CACNB2: variants seen among roughly 807,000 people sequenced by gnomAD.
CACNB2 encodes calcium voltage-gated channel auxiliary subunit beta 2.
Under a neutral mutation model 73.3 loss-of-function variants are expected in CACNB2, and 42 were observed. The observed-to-expected ratio is 0.57, with a 90% confidence interval of 0.45 to 0.74. CACNB2 has a LOEUF of 0.74. CACNB2 is among the 30% of genes least tolerant of loss of function. The pLI is 0.00. For synonymous variants in CACNB2, 348 were observed against 310.3 expected (o/e 1.12, Z -1.28); for missense variants, 940 against 853.0 (o/e 1.10, Z -1.27).
chr10:18,459,869 G>A (rs2047472687), intron 3 of CACNB2, among the ~76,000 whole-genome samples: 1 of 152,044 alleles, frequency 6.6e-6, no homozygotes, highest in Non-Finnish European at 1.5e-5. Flanking sequence ...ATGACGATGG[G>A]TGCCTGTAAT....
intron 1 of CACNB2, among the ~76,000 whole-genome samples, chr10:18,148,331 C>T (rs2031197633): frequency 6.6e-6 from 1 of 152,076 alleles, no homozygotes. Flanking sequence ...GCATGCAGTT[C>T]AGTGTGCTAT....
At chr10:18,487,762 G>A (rs561606485) in intron 3 of CACNB2, among the ~76,000 whole-genome samples, 4 of 151,548 alleles carry the variant, frequency 2.6e-5, no homozygotes, top group Non-Finnish European at 5.9e-5. Flanking sequence ...TTGATCCTAC[G>A]AGGCAGAGGT....
intron 5 of CACNB2, 71 bp from the exon 6 acceptor site, chr10:18,506,400 A>T: frequency 1.2e-6 from 1 of 802,988 alleles, no homozygotes; most frequent in East Asian, 2.5e-5. Flanking sequence ...AATTATGTTT[A>T]CTGAATAATA....
chr10:18,485,447 A>G (rs959200621), intron 3 of CACNB2, among the ~76,000 whole-genome samples: 4 of 152,138 alleles, frequency 2.6e-5, no homozygotes, highest in Admixed American at 2.0e-4. Flanking sequence ...ATTTAATATA[A>G]TAAAAGAGTA....
chr10:18,354,054 G>A (rs1589121019), intron 2 of CACNB2, among the ~76,000 whole-genome samples: 1 of 152,280 alleles, frequency 6.6e-6, no homozygotes, highest in African/African-American at 2.4e-5. Flanking sequence ...AAAAACTATA[G>A]TAGGCCTTAA....
intron 2 of CACNB2, among the ~76,000 whole-genome samples, chr10:18,391,699 C>T (rs2132452816): frequency 6.6e-6 from 1 of 152,072 alleles, no homozygotes; most frequent in South Asian, 2.1e-4. Flanking sequence ...GGCCGAGGCA[C>T]ATGGATCTCT....
intron 2 of CACNB2, among the ~76,000 whole-genome samples, chr10:18,255,070 T>G (rs752644277): frequency 6.6e-5 from 10 of 151,996 alleles, no homozygotes; most frequent in African/African-American, 2.4e-4. Flanking sequence ...CTAGCCGTCT[T>G]CCAATCTGTC....
At chr10:18,535,504 G>C (rs1267590578) in intron 11 of CACNB2, among the ~76,000 whole-genome samples, 1 of 152,040 alleles carries the variant, frequency 6.6e-6, no homozygotes, top group Non-Finnish European at 1.5e-5. Context: ...CGGGCGCAGT[G>C]GCTCATACCT....
intron 2 of CACNB2, among the ~76,000 whole-genome samples, chr10:18,377,349 A>G (rs1310150871): frequency 6.6e-6 from 1 of 152,196 alleles, no homozygotes; most frequent in Non-Finnish European, 1.5e-5. Context: ...TGTGAGCTAT[A>G]TAATATTATG....
intron 2 of CACNB2, among the ~76,000 whole-genome samples, chr10:18,385,241 C>G (rs1338268063): frequency 1.3e-5 from 2 of 151,350 alleles, no homozygotes; most frequent in Non-Finnish European, 2.9e-5. Context: ...CGAGATTATG[C>G]CACTGCACTC....
At chr10:18,151,326 C>T (rs1034254515) in intron 2 of CACNB2, 6 of 206,294 alleles carry the variant, frequency 2.9e-5, no homozygotes, top group Non-Finnish European at 4.8e-5. Flanking sequence ...GTATCCCTAC[C>T]TGTGAGATAC....
chr10:18,213,069 C>T (rs2035380822), intron 2 of CACNB2, among the ~76,000 whole-genome samples: 2 of 152,314 alleles, frequency 1.3e-5, no homozygotes, highest in Middle Eastern at 3.4e-3. Flanking sequence ...ATGCAACCAG[C>T]ATGCCACTTG....
At chr10:18,532,697 C>CAAAAAAAAAAA (rs1187679628) in intron 10 of CACNB2, among the ~76,000 whole-genome samples, 1 of 125,112 alleles carries the variant, frequency 8.0e-6, no homozygotes, top group African/African-American at 3.2e-5. Flanking sequence ...AAAAAAAAAA[C>CAAAAAAAAAAA]AAAACAAAAA....
At chr10:18,298,801 A>G (rs2039382598) in intron 2 of CACNB2, among the ~76,000 whole-genome samples, 1 of 152,202 alleles carries the variant, frequency 6.6e-6, no homozygotes. Flanking sequence ...TAAAGGTAAG[A>G]GGTAAAGCAG....
At chr10:18,301,743 G>T (rs1404493424) in intron 2 of CACNB2, among the ~76,000 whole-genome samples, 1 of 151,782 alleles carries the variant, frequency 6.6e-6, no homozygotes, top group Non-Finnish European at 1.5e-5. Context: ...CCGCCTTCTG[G>T]GTTCCAATGA....
intron 2 of CACNB2, among the ~76,000 whole-genome samples, chr10:18,171,063 G>T (rs902803256): frequency 3.3e-5 from 5 of 152,178 alleles, no homozygotes; most frequent in Non-Finnish European, 7.3e-5. Context: ...TACCTGCAGA[G>T]AAAATCGCTG....
chr10:18,327,081 T>G (rs1564439281), intron 2 of CACNB2, among the ~76,000 whole-genome samples: 1 of 152,086 alleles, frequency 6.6e-6, no homozygotes, highest in Non-Finnish European at 1.5e-5. Context: ...CCTTGAAGAC[T>G]GATAAGTCAA....
chr10:18,397,398 G>A (rs1397276270), intron 2 of CACNB2, among the ~76,000 whole-genome samples: 3 of 152,164 alleles, frequency 2.0e-5, no homozygotes, highest in African/African-American at 7.2e-5. Flanking sequence ...CTAGGAGACA[G>A]AGGTTACAGT....
At chr10:18,373,264 T>G (rs2042662960) in intron 2 of CACNB2, among the ~76,000 whole-genome samples, 1 of 152,300 alleles carries the variant, frequency 6.6e-6, no homozygotes. Context: ...AGGGATTTAT[T>G]AAACCTTTAT....
Sources: allele counts gnomAD v4.1 joint callset (sites outside exome capture counted in the v4.1 genomes callset), GRCh38; gene constraint gnomAD v4.1.1; transcripts MANE v1.5; gene names NCBI Gene and HGNC (gene_info 2026-07-23, HGNC 2026-07-21).